Variants in HDAC4 observed in about 807,000 individuals in gnomAD.
HDAC4 encodes the protein histone deacetylase A.
In HDAC4, 16 loss-of-function variants were observed where a neutral mutation model predicts 135.1. The ratio of observed to expected loss-of-function variants is 0.12; its 90% CI spans 0.08 to 0.18. The LOEUF (loss-of-function observed/expected upper bound fraction) is 0.18, where lower values mean the gene tolerates loss of function less well. Ranked by LOEUF, HDAC4 falls within the 10% of genes least tolerant of loss-of-function variation. HDAC4 has a pLI of 1.00. For missense variants in HDAC4, 1,143 were observed against 1,511.8 expected, an observed-to-expected ratio of 0.76 and a Z score of 4.05; for synonymous variants, 685 against 653.4, an observed-to-expected ratio of 1.05 and a Z score of -0.74.
chr2:239,062,724 G>C (rs2032941634), intron 24 of HDAC4, among the ~76,000 whole-genome samples: 1 of 152,238 alleles, frequency 6.6e-6, no homozygotes, highest in Non-Finnish European at 1.5e-5. Context: ...AAAGTGCTTT[G>C]GACATTTTAA....
At chr2:239,120,410 C>CACACAGACACAG (rs771653052) in intron 12 of HDAC4, among the ~76,000 whole-genome samples, 6 of 145,150 alleles carry the variant, frequency 4.1e-5, no homozygotes, top group Non-Finnish European at 9.2e-5. Context: ...CAGACACACA[C>CACACAGACACAG]ACACAGACAC....
At position 239,313,071 on chromosome 2, in the gene HDAC4, G is replaced by T. The variant is rs562942968; in HGVS notation, c.22+39607C>A. ...CAGCCTGGGGCAGGGTGTTCCCCCA[G>T]CCAGGGAGCTTCACTCAGGCTTGGG... On this transcript the variant is annotated intron_variant, in intron 2 of 26. Transcript: ENST00000543185. This position sits in a 1 kb window ranked among gnomAD's most constrained non-coding sequence, Gnocchi z 5.1. 4.1e-4 allele frequency among the ~76,000 whole-genome samples: 63 copies of T among 152,278 alleles called. No homozygotes were observed. The highest frequency in any genetic ancestry group is 5.0e-4 in the Non-Finnish European group (34 of 68,024).
At chr2:239,096,814 C>T (rs911316833) in intron 16 of HDAC4, among the ~76,000 whole-genome samples, 7 of 149,544 alleles carry the variant, frequency 4.7e-5, no homozygotes, top group African/African-American at 7.4e-5. Context: ...GTGTGAGGCC[C>T]GATGCACAGA....
intron 3 of HDAC4, among the ~76,000 whole-genome samples, chr2:239,205,003 C>A (rs756797423): frequency 5.9e-5 from 9 of 152,180 alleles, no homozygotes; most frequent in Non-Finnish European, 1.3e-4. Context: ...CTAGGGCCTC[C>A]CCACCTTCCC....
At chr2:239,319,445 C>T (rs568196740) in intron 2 of HDAC4, among the ~76,000 whole-genome samples, 72 of 152,374 alleles carry the variant, frequency 4.7e-4, no homozygotes, top group Admixed American at 7.8e-4. Flanking sequence ...ACAGGCCAGG[C>T]GAGGGCCACC....
chr2:239,299,889 G>A lies in HDAC4; in HGVS notation c.22+52789C>T, dbSNP rs1226235204. 1.3e-5 allele frequency among the ~76,000 whole-genome samples: 2 copies of A among 152,198 alleles called. No individual in the cohort carries two copies. The highest frequency in any genetic ancestry group is 2.9e-5 in the Non-Finnish European group (2 of 68,036). Reference sequence around the variant, plus strand: ...GACGCAGCTGGGGACTAAGCAGATGGGAGACCGGCAGTCCTGGGGCTCGGG... The same window carrying A: ...GACGCAGCTGGGGACTAAGCAGATGAGAGACCGGCAGTCCTGGGGCTCGGG... On this transcript the variant is annotated intron_variant, in intron 2 of 26. Coordinates refer to ENST00000543185, the MANE Select transcript of HDAC4 (RefSeq NM_001378414.1). The surrounding 1 kb of genome is among the most constrained non-coding windows in gnomAD (Gnocchi z 4.0).
chr2:239,069,975 C>T (rs1002475343), intron 22 of HDAC4, among the ~76,000 whole-genome samples: 3 of 138,200 alleles, frequency 2.2e-5, no homozygotes, highest in African/African-American at 7.9e-5. Context: ...TGGCCCCGTG[C>T]CCACCCACCC....
intron 12 of HDAC4, among the ~76,000 whole-genome samples, chr2:239,120,606 TGGGGGGGCGGGGAAGGGAAATAGGG>T (rs2039592350): frequency 5.7e-5 from 1 of 17,536 alleles, no homozygotes; most frequent in South Asian, 2.0e-3. Flanking sequence ...GGGAGGGAAA[TGGGGGGGCGGGGAAGGGAAATAGGG>T]GGAGGGGTGG....
At chr2:239,117,483 T>C (rs1221951981) in intron 12 of HDAC4, among the ~76,000 whole-genome samples, 3 of 145,646 alleles carry the variant, frequency 2.1e-5, no homozygotes, top group Non-Finnish European at 4.5e-5. Flanking sequence ...CCATCACATC[T>C]GGGAGCCAGA....
chr2:239,399,179 G>C (rs890630654), intron 1 of HDAC4, among the ~76,000 whole-genome samples: 1 of 152,054 alleles, frequency 6.6e-6, no homozygotes, highest in Non-Finnish European at 1.5e-5. Flanking sequence ...GAATTCACAA[G>C]AGCTACCTGA....
Position 239,126,665 on chromosome 2 carries a change from G to A in HDAC4, c.1324C>T (p.Pro442Ser), listed in dbSNP as rs116713765. 5.3e-5 allele frequency: 86 copies of A among 1,613,930 alleles called. No individual in the cohort carries two copies. The East Asian group carries it at 1.3e-3, about 25-fold the overall frequency. Residue 442 changes from proline (P) to serine (S), a missense_variant, in exon 12 of 27, where the codon CCC becomes TCC. This residue lies in a region of HDAC4 where 272 missense variants were observed against 309.7 expected (regional missense o/e 0.88). Transcript: ENST00000543185. ...DWYLSGLGAL[P>S]LHAQSLVGAD... ...CCAACCAAGGACTGTGCGTGGAGGG[G>A]CAGTGCTCCCAGGCCTGAAAGATAC...
intron 8 of HDAC4, chr2:239,140,985 C>A: frequency 2.4e-6 from 1 of 416,568 alleles, no homozygotes; most frequent in Non-Finnish European, 5.1e-6. Flanking sequence ...ACAGCTCCCC[C>A]AACCTGGCAG....
intron 4 of HDAC4, among the ~76,000 whole-genome samples, chr2:239,179,302 C>T (rs1437456461): frequency 3.9e-5 from 6 of 152,218 alleles, no homozygotes; most frequent in Admixed American, 1.3e-4. Flanking sequence ...CGGCCGTGGA[C>T]GGGTAGCAGC....
In HDAC4 at chr2:239,308,964, T is replaced by G. The variant is rs1194678223; in HGVS notation, c.22+43714A>C. 1 of 152,208 alleles carries G rather than the reference T, an allele frequency of 6.6e-6. No homozygotes were observed. The highest frequency in any genetic ancestry group is 1.5e-5 in the Non-Finnish European group (1 of 68,050). 9.4% of individuals were successfully genotyped at this position (152,208 alleles called of 1,614,324 possible). On this transcript the variant is annotated intron_variant, in intron 2 of 26. Coordinates refer to ENST00000543185, the MANE Select transcript of HDAC4 (RefSeq NM_001378414.1). This position sits in a 1 kb window ranked among gnomAD's most constrained non-coding sequence, Gnocchi z 4.2. The stretch of plus-strand genomic sequence containing the variant: ...CCCCAGAGGCTGAGTTCAAACATTC[T>G]AAACGGATTCTTGATAACAAGCCGC...
intron 7 of HDAC4, 46 bp downstream of exon 7, chr2:239,156,606 G>A (rs759327235): frequency 1.9e-6 from 3 of 1,613,512 alleles, no homozygotes; most frequent in East Asian, 2.2e-5. Flanking sequence ...CGTGGAAGGT[G>A]CCCGTGCAGG....
At position 239,138,997 on chromosome 2, in the gene HDAC4, C is replaced by A. The variant is rs140613050; in HGVS notation, c.978+687G>T. On this transcript the variant is annotated intron_variant, in intron 9 of 26. Coordinates refer to ENST00000543185, the MANE Select transcript of HDAC4 (RefSeq NM_001378414.1). ...TTTCCCACCTAGGGACTCCAAGCGT[C>A]CCCTGACTCCTCTCTAGCTTGCCAA... Among the ~76,000 whole-genome samples, 171 of 152,336 alleles carry A rather than the reference C, an allele frequency of 1.1e-3. 3 individuals are homozygous for A. The highest frequency in any genetic ancestry group is 4.0e-3 in the African/African-American group (167 of 41,574).
chr2:239,330,002 C>G (rs1691457592), intron 2 of HDAC4, among the ~76,000 whole-genome samples: 1 of 152,186 alleles, frequency 6.6e-6, no homozygotes, highest in African/African-American at 2.4e-5. Flanking sequence ...GTGCAGAAAG[C>G]TGGAGAGGAG....
chr2:239,223,679 T>TCA lies in HDAC4; in HGVS notation c.94+12913_94+12914insTG, dbSNP rs1435474817. On this transcript the variant is annotated intron_variant, in intron 3 of 26. Coordinates refer to ENST00000543185, the MANE Select transcript of HDAC4 (RefSeq NM_001378414.1). ...ATCAGTGTCCTCATCATTGCTGTAA[T>TCA]TAGGAGCAACCACGAGTCCCACTTT... Among the ~76,000 whole-genome samples the TCA allele has an allele frequency of 8.5e-5, 13 of 152,096 alleles. No individual in the cohort carries two copies. The East Asian group carries it at 1.7e-3, about 20-fold the overall frequency.
chr2:239,349,743 G>A lies in HDAC4; in HGVS notation c.22+2935C>T, dbSNP rs138665591. Among the ~76,000 whole-genome samples the A allele has an allele frequency of 1.3e-5, 2 of 152,340 alleles. No homozygotes were observed. The highest frequency in any genetic ancestry group is 1.9e-4 in the East Asian group (1 of 5,180). On this transcript the variant is annotated intron_variant, in intron 2 of 26. Coordinates refer to ENST00000543185, the MANE Select transcript of HDAC4 (RefSeq NM_001378414.1). This position sits in a 1 kb window ranked among gnomAD's most constrained non-coding sequence, Gnocchi z 5.7. ...GACCTCCGGGCGGAAGGGCAGACACGGCAGGGAAAGATGACAGCGGACAGG... is the reference window on the plus strand; with the variant it reads ...GACCTCCGGGCGGAAGGGCAGACACAGCAGGGAAAGATGACAGCGGACAGG...
Sources: allele counts gnomAD v4.1 joint callset (sites outside exome capture counted in the v4.1 genomes callset), GRCh38; gene constraint gnomAD v4.1.1; regional missense constraint gnomAD v4.1.1; non-coding constraint Gnocchi (gnomAD v3.1); transcripts MANE v1.5; gene names NCBI Gene and HGNC (gene_info 2026-07-23, HGNC 2026-07-21).